The following PEX5 variants were observed in gnomAD, a reference collection of about 807,000 sequenced individuals.
PEX5 encodes PTS1 receptor.
Under a neutral mutation model 82.9 loss-of-function variants are expected in PEX5, and 52 were observed. The ratio of observed to expected loss-of-function variants is 0.63; its 90% CI spans 0.50 to 0.79. The LOEUF is 0.79. Ranked by LOEUF, PEX5 falls within the 30% of genes least tolerant of loss-of-function variation. PEX5 has a pLI of 0.00. For synonymous variants in PEX5, 300 were observed against 318.8 expected (o/e 0.94, Z 0.63); for missense variants, 719 against 815.2 (o/e 0.88, Z 1.44).
Position 7,203,510 on chromosome 12 carries a change from C to G in PEX5, c.925C>G (p.Leu309Val). 1 of 1,613,930 alleles carries G rather than the reference C, an allele frequency of 6.2e-7. No homozygotes were observed. Among genetic ancestry groups the G allele is most frequent in the South Asian group, 1.1e-5 (1 of 91,042 alleles). ...AKRDAEAHPW[L>V]SDYDDLTSAT... The stretch of plus-strand genomic sequence containing the variant: ...ACGGGATGCTGAGGCCCACCCCTGG[C>G]TTTCTGACTATGATGACCTTACGTC... The change falls in exon 10 of 16, where the codon CTT (leucine) becomes GTT (valine). Residue 309 changes from leucine to valine, a missense_variant. Physicochemically the swap from Leu to Val is conservative, Grantham distance 32. Coordinates refer to ENST00000675855, the MANE Select transcript of PEX5 (RefSeq NM_001351132.2).
rs760594541 is a variant in PEX5, at chr12:7,191,686, T to G, written c.434T>G (p.Ile145Ser). ...GAGACTGACTGGTCCCAAGAATTCA[T>G]CTCTGAAGTTACAGGTGAAACTTGT... Reference protein sequence around the residue: ...YNETDWSQEFISEVTDPLSVS... With the variant: ...YNETDWSQEFSSEVTDPLSVS... Residue 145 changes from isoleucine to serine, a missense_variant, in exon 5 of 16, where the codon ATC (isoleucine) becomes AGC (serine). Coordinates refer to ENST00000675855, the MANE Select transcript of PEX5 (RefSeq NM_001351132.2). The G allele has an allele frequency of 1.5e-5, 24 of 1,613,892 alleles. No individual in the cohort carries two copies. Among genetic ancestry groups the G allele is most frequent in the East Asian group, 2.2e-5 (1 of 44,888 alleles).
chr12:7,202,842 G>A (rs1944273648), intron 9 of PEX5, 138 bp downstream of exon 9: 1 of 743,698 alleles, frequency 1.3e-6, no homozygotes, highest in Non-Finnish European at 2.4e-6. Context: ...GCTTGGGGAT[G>A]GGGTGGGTGC....
At chr12:7,192,412 ATCT>A (rs1005911867) in intron 5 of PEX5, among the ~76,000 whole-genome samples, 6 of 152,196 alleles carry the variant, frequency 3.9e-5, no homozygotes, top group African/African-American at 1.4e-4. Flanking sequence ...CCTGCAATTT[ATCT>A]TCTTTCTTGC....
chr12:7,202,819 C>G, intron 9 of PEX5, 115 bp downstream of exon 9: 4 of 832,588 alleles, frequency 4.8e-6, no homozygotes, highest in Non-Finnish European at 6.1e-6. Context: ...CCTGGATCAT[C>G]TGTGTCAGAG....
At position 7,197,313 on chromosome 12, in the gene PEX5, T is replaced by TAATTA. The variant is rs565935509; in HGVS notation, c.449-1698_449-1697insAATTA. Reference sequence around the variant, plus strand: ...ATTATATATGTCATATATAATGTAATCATATGTCATATACAATGTAATAAT... The same window carrying TAATTA: ...ATTATATATGTCATATATAATGTAATAATTACATATGTCATATACAATGTAATAAT... On this transcript the variant is annotated intron_variant, in intron 5 of 15. Coordinates refer to ENST00000675855, the MANE Select transcript of PEX5 (RefSeq NM_001351132.2). 2.6e-4 allele frequency among the ~76,000 whole-genome samples: 12 copies of TAATTA among 46,838 alleles called. No homozygotes were observed. In the South Asian group the frequency reaches 2.7e-3, roughly 11 times the overall value. 30.7% of individuals were successfully genotyped at this position (46,838 alleles called of 152,430 possible). A position where few individuals can be genotyped will look rare whatever the true frequency, so the allele number is the denominator to read the frequency against.
intron 11 of PEX5, 92 bp downstream of exon 11, chr12:7,207,894 C>G: frequency 6.5e-7 from 1 of 1,544,808 alleles, no homozygotes; most frequent in Non-Finnish European, 9.0e-7. Context: ...GGGTTAGGGC[C>G]TGGGTGATGG....
chr12:7,193,623 C>T (rs750420886), intron 5 of PEX5, among the ~76,000 whole-genome samples: 1 of 152,160 alleles, frequency 6.6e-6, no homozygotes, highest in Non-Finnish European at 1.5e-5. Flanking sequence ...TTCACATAAA[C>T]CTTAGACTTA....
rs1481425942 is a variant in PEX5 at position 7,199,857 on chromosome 12, C to T, written c.551+744C>T. Among the ~76,000 whole-genome samples the T allele has an allele frequency of 6.6e-5, 7 of 105,446 alleles. 1 individual carries two copies. The highest frequency in any genetic ancestry group is 5.1e-4 in the Admixed American group (5 of 9,878). The allele number at this position is 105,446 out of a possible 152,430, so 69.2% of individuals were successfully genotyped here. On this transcript the variant is annotated intron_variant, in intron 6 of 15. Coordinates refer to ENST00000675855, the MANE Select transcript of PEX5 (RefSeq NM_001351132.2). The stretch of plus-strand genomic sequence containing the variant: ...GGCTGACCCCCACCTCCCTCCCGGA[C>T]GGGGCGGCTGGCCGGGCAGGGGGCT...
Position 7,208,536 on chromosome 12 carries a change from C to T in PEX5, c.1261C>T (p.Gln421Ter). The T allele has an allele frequency of 6.2e-7, 1 of 1,614,124 alleles. No homozygotes were observed. Among genetic ancestry groups the T allele is most frequent in the Non-Finnish European group, 8.5e-7 (1 of 1,179,954 alleles). The change falls in exon 13 of 16, where the codon CAG (glutamine) becomes TAG (stop). Residue 421 changes from glutamine (Q) to a stop codon, truncating the protein, a stop_gained. Coordinates refer to ENST00000675855, the MANE Select transcript of PEX5 (RefSeq NM_001351132.2). LOFTEE classifies it high-confidence loss of function. ...CTTCACCAACGAGTCCCTGCAGCGA[C>T]AGGCCTGTGAAACCCTACGAGACTG... ...VSFTNESLQR[Q>*]ACETLRDWLR...
chr12:7,192,620 A>G (rs1036154278), intron 5 of PEX5, among the ~76,000 whole-genome samples: 1 of 152,174 alleles, frequency 6.6e-6, no homozygotes, highest in African/African-American at 2.4e-5. Flanking sequence ...GATATCAAGA[A>G]TAACAAGAGA....
Position 7,197,222 on chromosome 12 carries a change from ATATATGTCATATGTAATAAT to A in PEX5, c.449-1763_449-1744del, listed in dbSNP as rs1157306210. ...TATATATGTCATATATAATGTAATT[ATATATGTCATATGTAATAAT>A]TATATGTCATATGTAATAATTATAT... On this transcript the variant is annotated intron_variant, in intron 5 of 15. Transcript: ENST00000675855. Among the ~76,000 whole-genome samples the A allele has an allele frequency of 3.4e-3, 236 of 69,162 alleles. 49 individuals carry two copies. The highest frequency in any genetic ancestry group is 6.1e-3 in the African/African-American group (110 of 18,046). 45.4% of individuals were successfully genotyped at this position (69,162 alleles called of 152,430 possible).
intron 5 of PEX5, among the ~76,000 whole-genome samples, chr12:7,193,234 C>CT (rs11339507): frequency 0.048 from 5,806 of 121,076 alleles, 451 homozygotes; most frequent in African/African-American, 0.15. Flanking sequence ...TCTTGAGATT[C>CT]TTTTTTTTTT....
At chr12:7,196,248 ATT>A (rs1491163767) in intron 5 of PEX5, among the ~76,000 whole-genome samples, 3 of 26,970 alleles carry the variant, frequency 1.1e-4, no homozygotes, top group Admixed American at 6.7e-4. Context: ...TATATGTCAT[ATT>A]TAATTATATA....
chr12:7,202,709 G>A lies in PEX5; in HGVS notation c.846+5G>A. 6.2e-7 allele frequency: 1 copy of A among 1,604,600 alleles called. No homozygotes were observed. Among genetic ancestry groups the A allele is most frequent in the Non-Finnish European group, 8.5e-7 (1 of 1,171,324 alleles). On this transcript the variant is annotated splice_donor_5th_base_variant and intron_variant, in intron 9 of 15. Coordinates refer to ENST00000675855, the MANE Select transcript of PEX5 (RefSeq NM_001351132.2). ...CGAGCCAAGTCAGCTATAGAGGTGAGAGCAGATAGTGCAGGAGCAGACACC... is the reference window on the plus strand; with the variant it reads ...CGAGCCAAGTCAGCTATAGAGGTGAAAGCAGATAGTGCAGGAGCAGACACC...
At chr12:7,204,673 G>A (rs978852229) in intron 10 of PEX5, among the ~76,000 whole-genome samples, 3 of 152,110 alleles carry the variant, frequency 2.0e-5, no homozygotes, top group African/African-American at 7.2e-5. Context: ...AAGTCACATA[G>A]GCCCCATCAA....
In PEX5 at chr12:7,209,720, C is replaced by T; in HGVS notation, c.1598C>T (p.Ala533Val). ...LLWNKLGATL[A>V]NGNQSEEAVA... is the part of the protein sequence containing the mutation. ...TGGAATAAGCTAGGCGCCACCCTGG[C>T]CAATGGAAACCAGAGTGAAGAAGCA... Residue 533 changes from alanine to valine, a missense_variant, in exon 15 of 16, where the codon GCC becomes GTC. Transcript: ENST00000675855. The T allele has an allele frequency of 6.2e-7, 1 of 1,613,304 alleles. No homozygotes were observed. The highest frequency in any genetic ancestry group is 8.5e-7 in the Non-Finnish European group (1 of 1,179,822).
chr12:7,200,590 C>G (rs1943709291), intron 6 of PEX5, among the ~76,000 whole-genome samples: 1 of 152,204 alleles, frequency 6.6e-6, no homozygotes, highest in African/African-American at 2.4e-5. Context: ...TGCACTCCAG[C>G]CTGGGCACCA....
chr12:7,189,380 G>C (rs1940456923), upstream of PEX5: 1 of 152,400 alleles, frequency 6.6e-6, no homozygotes, highest in South Asian at 2.1e-4. Flanking sequence ...AGGATCGACT[G>C]AGCCTAGGAT....
At chr12:7,198,928 T>C (rs1329955087) in intron 5 of PEX5, 83 bp from the exon 6 acceptor site, 11 of 748,690 alleles carry the variant, frequency 1.5e-5, no homozygotes, top group South Asian at 1.3e-4. Context: ...AGAGGGTCAG[T>C]TGAATATGGG....
Sources: allele counts gnomAD v4.1 joint callset (sites outside exome capture counted in the v4.1 genomes callset), GRCh38; gene constraint gnomAD v4.1.1; transcripts MANE v1.5; gene names NCBI Gene and HGNC (gene_info 2026-07-23, HGNC 2026-07-21).